MINDY1: variants seen among roughly 807,000 people sequenced by gnomAD.
MINDY1 encodes the protein ubiquitin carboxyl-terminal hydrolase MINDY-1.
MINDY1 carries 50 observed loss-of-function variants against 53.6 expected under a neutral mutation model. The observed-to-expected ratio is 0.93, with a 90% CI of 0.74 to 1.18. MINDY1 has a LOEUF of 1.18. Ranked by LOEUF, MINDY1 falls within the 50% of genes most tolerant of loss-of-function variation. The pLI, the probability that MINDY1 is intolerant of heterozygous loss-of-function variation, is 0.00. For synonymous variants in MINDY1, 231 were observed against 234.7 expected (o/e 0.98, Z 0.14); for missense variants, 484 against 578.6 (o/e 0.84, Z 1.68).
Position 150,997,346 on chromosome 1 carries a change from G to A in MINDY1, c.1351C>T (p.Arg451Cys), listed in dbSNP as rs201983888. 183 of 1,602,046 alleles carry A rather than the reference G, an allele frequency of 1.1e-4. No homozygotes were observed. The highest frequency in any genetic ancestry group is 3.2e-4 in the Admixed American group (19 of 59,286). ...CTCTGCCGACGCTCCCCGGCTGGGC[G>A]TCCAGATGTGGCTCCTCTCCCCTGT... ...SLQGRGATSG[R>C]PAGERRQRPK... Residue 451 changes from arginine (R) to cysteine (C), a missense_variant, in exon 10 of 10, where the codon CGC becomes TGC. Coordinates refer to ENST00000683666, the MANE Select transcript of MINDY1 (RefSeq NM_001376665.1).
chr1:151,008,337 A>G (rs772268172), upstream of MINDY1: 1 of 1,309,376 alleles, frequency 7.6e-7, no homozygotes, highest in Non-Finnish European at 9.8e-7. Flanking sequence ...TACGTTTCCC[A>G]CGTCGCCCCA....
rs778907961 is a variant in MINDY1, at chr1:150,999,462, G to A, written c.888C>T (p.Tyr296=). ...CTGCTGTCAGCTCACACAGTCCGTGGTAGGTCAGCTGGGCCGCGGTGGTCT... is the reference window on the plus strand; with the variant it reads ...CTGCTGTCAGCTCACACAGTCCGTGATAGGTCAGCTGGGCCGCGGTGGTCT... ...FLETTAAQLT[Y]HGLCELTAAA... is the part of the protein sequence containing the mutation. Residue 296 remains tyrosine, a synonymous_variant, in exon 7 of 10, where the codon TAC becomes TAT. Coordinates refer to ENST00000683666, the MANE Select transcript of MINDY1 (RefSeq NM_001376665.1). This position sits in a 1 kb window ranked among gnomAD's most constrained non-coding sequence, Gnocchi z 4.4. The A allele has an allele frequency of 5.6e-6, 9 of 1,614,048 alleles. No homozygotes were observed. The African/African-American group carries it at 9.3e-5, about 17-fold the overall frequency.
At position 151,000,634 on chromosome 1, in the gene MINDY1, A is replaced by AT; in HGVS notation, c.577-20dup. 3 of 1,598,082 alleles carry AT rather than the reference A, an allele frequency of 1.9e-6. No individual in the cohort carries two copies. Among genetic ancestry groups the AT allele is most frequent in the Non-Finnish European group, 2.6e-6 (3 of 1,172,800 alleles). ...CCACATTCTGGGGGTAGAAAAAAAA[A>AT]TGATGGAGATTCTAGCCTTCTCTCC... On this transcript the variant is annotated intron_variant, in intron 4 of 9. Transcript: ENST00000683666.
upstream of MINDY1, chr1:151,006,945 GAGAAGGGCTGGAC>G (rs1443611509): frequency 1.0e-6 from 1 of 967,334 alleles, no homozygotes; most frequent in Non-Finnish European, 1.2e-6. Context: ...AAGTAGGGAG[GAGAAGGGCTGGAC>G]AGAAGCAGCT....
chr1:150,999,346 C>T lies in MINDY1; in HGVS notation c.981+23G>A, dbSNP rs1235779821. The T allele has an allele frequency of 3.7e-6, 6 of 1,613,202 alleles. No individual in the cohort carries two copies. Among genetic ancestry groups the T allele is most frequent in the African/African-American group, 2.7e-5 (2 of 74,880 alleles). On this transcript the variant is annotated intron_variant, in intron 7 of 9. Transcript: ENST00000683666. This position sits in a 1 kb window ranked among gnomAD's most constrained non-coding sequence, Gnocchi z 4.4. ...ACCAGGAAATGACAGCACCGCAGCACGCCACCCCCAAACTCGCATTACCTT... is the reference window on the plus strand; with the variant it reads ...ACCAGGAAATGACAGCACCGCAGCATGCCACCCCCAAACTCGCATTACCTT...
At chr1:150,997,592 C>A (rs1266474104) in intron 9 of MINDY1, 32 bp downstream of exon 9, 2 of 1,603,726 alleles carry the variant, frequency 1.2e-6, no homozygotes, top group Admixed American at 1.7e-5. Context: ...GAGGTGGAAA[C>A]CGGGAGTGTG....
chr1:151,001,607 T>C, intron 3 of MINDY1, 118 bp downstream of exon 3: 2 of 1,294,876 alleles, frequency 1.5e-6, no homozygotes, highest in East Asian at 2.4e-5. Context: ...CATAGACCCT[T>C]ACCCTCCCTG....
chr1:150,998,272 C>CTG lies in MINDY1; in HGVS notation c.982_983insCA (p.Ser328ThrfsTer40), dbSNP rs774465769. 8.7e-6 allele frequency: 14 copies of CTG among 1,609,650 alleles called. No individual in the cohort carries two copies. The highest frequency in any genetic ancestry group is 1.2e-5 in the Non-Finnish European group (14 of 1,178,374). ...GTCAGTGACCAGTAGGTATAAGTGACTCTACAAAGAAAAGAACAGAGCTCA... is the reference window on the plus strand; with the variant it reads ...GTCAGTGACCAGTAGGTATAAGTGACTGTCTACAAAGAAAAGAACAGAGCTCA... On this transcript the variant is annotated frameshift_variant and splice_region_variant, in exon 8 of 10. Coordinates refer to ENST00000683666, the MANE Select transcript of MINDY1 (RefSeq NM_001376665.1). LOFTEE classifies it high-confidence loss of function.
At chr1:151,001,631 C>T in intron 3 of MINDY1, 94 bp downstream of exon 3, 2 of 1,475,344 alleles carry the variant, frequency 1.4e-6, no homozygotes, top group Non-Finnish European at 1.9e-6. Context: ...TATCAGAACC[C>T]CCAAATGGAG....
At chr1:151,007,720 A>C (rs1215324974), upstream of MINDY1, among the ~76,000 whole-genome samples, 2 of 152,214 alleles carry the variant, frequency 1.3e-5, no homozygotes, top group Non-Finnish European at 2.9e-5. Context: ...ATTTATTTGC[A>C]GTACCTGCAC....
intron 7 of MINDY1, 39 bp from the exon 8 acceptor site, chr1:150,998,312 G>A: frequency 6.4e-7 from 1 of 1,562,312 alleles, no homozygotes; most frequent in African/African-American, 1.4e-5. Flanking sequence ...GGGGACAGTT[G>A]ATACGGAGGC....
intron 9 of MINDY1, 70 bp downstream of exon 9, chr1:150,997,554 A>G: frequency 6.2e-7 from 1 of 1,601,112 alleles, no homozygotes; most frequent in Non-Finnish European, 8.5e-7. Context: ...GTGCAGGAAT[A>G]ACAGGTGTTC....
intron 1 of MINDY1, among the ~76,000 whole-genome samples, chr1:151,004,556 G>T (rs953385862): frequency 6.6e-6 from 1 of 151,622 alleles, no homozygotes; most frequent in Non-Finnish European, 1.5e-5. Flanking sequence ...ATGGCAAAAC[G>T]CTGTCTGTAT....
chr1:151,006,283 G>A, intron 1 of MINDY1, 29 bp downstream of exon 1: 1 of 1,434,888 alleles, frequency 7.0e-7, no homozygotes, highest in Admixed American at 2.8e-5. Context: ...GAGAAGAGGT[G>A]AAGAAGATGA....
Position 150,999,263 on chromosome 1 carries a change from G to T in MINDY1, c.981+106C>A, listed in dbSNP as rs1672246591. 1 of 1,482,872 alleles carries T rather than the reference G, an allele frequency of 6.7e-7. No homozygotes were observed. Among genetic ancestry groups the T allele is most frequent in the African/African-American group, 1.4e-5 (1 of 71,944 alleles). 91.9% of individuals were successfully genotyped at this position (1,482,872 alleles called of 1,614,324 possible). ...GTGGTAAACCACAGGGATTTGAGGG[G>T]TCACTTGCTACCACGGCTTAATCTA... On this transcript the variant is annotated intron_variant, in intron 7 of 9. Coordinates refer to ENST00000683666, the MANE Select transcript of MINDY1 (RefSeq NM_001376665.1). The surrounding 1 kb of genome is among the most constrained non-coding windows in gnomAD (Gnocchi z 4.4).
rs1671930057 is a variant in MINDY1 at position 150,997,335 on chromosome 1, C to T, written c.1362G>A (p.Gly454=). 3 of 1,602,144 alleles carry T rather than the reference C, an allele frequency of 1.9e-6. No individual in the cohort carries two copies. The highest frequency in any genetic ancestry group is 2.3e-5 in the East Asian group (1 of 44,378). The change falls in exon 10 of 10, where the codon GGG becomes GGA. Residue 454 remains glycine (G), a synonymous_variant. Transcript: ENST00000683666. ...GRGATSGRPA[G]ERRQRPKHES... is the part of the protein sequence containing the mutation. ...CGTGCTTCGGCCTCTGCCGACGCTC[C>T]CCGGCTGGGCGTCCAGATGTGGCTC...
intron 4 of MINDY1, among the ~76,000 whole-genome samples, chr1:151,000,879 A>T (rs1672481888): frequency 6.6e-6 from 1 of 152,018 alleles, no homozygotes; most frequent in South Asian, 2.1e-4. Context: ...CTTGGTTTCA[A>T]GTGACCCTCC....
At position 151,000,626 on chromosome 1, in the gene MINDY1, A is replaced by G. The variant is rs74899511; in HGVS notation, c.577-11T>C. 9 of 1,574,358 alleles carry G rather than the reference A, an allele frequency of 5.7e-6. No homozygotes were observed. The East Asian group carries it at 1.6e-4, about 28-fold the overall frequency. ...TGCATCATCCACATTCTGGGGGTAG[A>G]AAAAAAAATGATGGAGATTCTAGCC... On this transcript the variant is annotated splice_polypyrimidine_tract_variant and intron_variant, in intron 4 of 9. Coordinates refer to ENST00000683666, the MANE Select transcript of MINDY1 (RefSeq NM_001376665.1).
At chr1:150,998,940 T>C (rs1168955549) in intron 7 of MINDY1, among the ~76,000 whole-genome samples, 1 of 152,172 alleles carries the variant, frequency 6.6e-6, no homozygotes, top group African/African-American at 2.4e-5. Flanking sequence ...AAGACCAGCA[T>C]TGTTTAAAAA....
Sources: gnomAD v4.1 joint callset for allele counts (sites outside exome capture counted in the v4.1 genomes callset) on GRCh38, gnomAD v4.1.1 for gene constraint, Gnocchi (gnomAD v3.1) non-coding constraint, MANE v1.5 for transcripts, NCBI Gene and HGNC (gene_info 2026-07-23, HGNC 2026-07-21) for gene names.